WIPI2: variants seen among roughly 807,000 people sequenced by gnomAD.
WIPI2 encodes the protein WD repeat domain phosphoinositide-interacting protein 2.
In WIPI2, 28 loss-of-function variants were observed where a neutral mutation model predicts 52.3. That is an observed-to-expected ratio of 0.54 (90% CI 0.40 to 0.73). The LOEUF is 0.73. Among genes scored for constraint, WIPI2 ranks in the 30% least tolerant of loss-of-function variants. WIPI2 has a pLI of 0.00. For missense variants in WIPI2, 506 were observed against 602.9 expected (o/e 0.84, Z 1.68); for synonymous variants, 268 against 245.0 (o/e 1.09, Z -0.88).
chr7:5,227,484 A>G lies in WIPI2; in HGVS notation c.1013+140A>G. 1 of 1,224,798 alleles carries G rather than the reference A, an allele frequency of 8.2e-7. No individual in the cohort carries two copies. Among genetic ancestry groups the G allele is most frequent in the Non-Finnish European group, 1.1e-6 (1 of 901,800 alleles). 75.9% of individuals were successfully genotyped at this position (1,224,798 alleles called of 1,614,324 possible). On this transcript the variant is annotated intron_variant, in intron 10 of 12. Coordinates refer to ENST00000288828, the MANE Select transcript of WIPI2 (RefSeq NM_015610.4). This position sits in a 1 kb window ranked among gnomAD's most constrained non-coding sequence, Gnocchi z 8.1. ...GACACTCCATCGAGAGTTGTCGGGG[A>G]TGGGAGGTCCCCTGGCAGGCACTAG...
chr7:5,210,260 C>G (rs1782490444), intron 3 of WIPI2, among the ~76,000 whole-genome samples: 1 of 152,188 alleles, frequency 6.6e-6, no homozygotes, highest in Admixed American at 6.5e-5. Context: ...ACTTCTCATT[C>G]TCTTTCATGT....
At chr7:5,219,069 C>G (rs1025723710) in intron 7 of WIPI2, 26 of 152,306 alleles carry the variant, frequency 1.7e-4, no homozygotes, top group African/African-American at 5.3e-4. Context: ...AGTCTCACAC[C>G]CGAGTTCTGT....
chr7:5,224,231 G>A (rs1003310979), intron 8 of WIPI2, among the ~76,000 whole-genome samples: 2 of 152,246 alleles, frequency 1.3e-5, no homozygotes, highest in African/African-American at 2.4e-5. Flanking sequence ...TGCGTGAGCT[G>A]GCAGATCTGG....
intron 3 of WIPI2, among the ~76,000 whole-genome samples, chr7:5,213,959 A>G (rs1390935230): frequency 1.3e-5 from 2 of 152,220 alleles, no homozygotes; most frequent in Non-Finnish European, 2.9e-5. Context: ...TGCTGGGATT[A>G]CAGGCGTGAG....
chr7:5,193,348 T>C, intron 2 of WIPI2, 177 bp downstream of exon 2: 1 of 1,415,702 alleles, frequency 7.1e-7, no homozygotes, highest in South Asian at 1.7e-5. Flanking sequence ...TGTGGGAAGT[T>C]AGTGATGTAG....
At chr7:5,200,172 G>A (rs1781954467) in intron 3 of WIPI2, among the ~76,000 whole-genome samples, 1 of 152,080 alleles carries the variant, frequency 6.6e-6, no homozygotes, top group Admixed American at 6.5e-5. Flanking sequence ...TTCATCTCTG[G>A]GCCTCAGTTT....
intron 3 of WIPI2, among the ~76,000 whole-genome samples, chr7:5,207,821 A>G (rs893905810): frequency 7.3e-6 from 1 of 136,278 alleles, no homozygotes; most frequent in African/African-American, 2.8e-5. Context: ...GCTGGAGTGC[A>G]GTGGCACAAT....
chr7:5,200,789 C>A (rs901046970), intron 3 of WIPI2, among the ~76,000 whole-genome samples: 2 of 152,186 alleles, frequency 1.3e-5, no homozygotes, highest in Non-Finnish European at 2.9e-5. Flanking sequence ...CCCCTCACCT[C>A]CATCGGGGAT....
intron 1 of WIPI2, among the ~76,000 whole-genome samples, chr7:5,192,619 C>G (rs895660407): frequency 6.6e-6 from 1 of 152,174 alleles, no homozygotes; most frequent in Non-Finnish European, 1.5e-5. Flanking sequence ...ATAACTTTGA[C>G]TTGCCAGAGA....
intron 3 of WIPI2, among the ~76,000 whole-genome samples, chr7:5,209,985 G>C (rs947775001): frequency 6.6e-6 from 1 of 152,066 alleles, no homozygotes; most frequent in African/African-American, 2.4e-5. Flanking sequence ...TCGGCTGGCT[G>C]CAACCTCCGT....
intron 6 of WIPI2, 91 bp downstream of exon 6, chr7:5,217,278 T>C: frequency 2.3e-6 from 3 of 1,317,560 alleles, no homozygotes; most frequent in East Asian, 2.4e-5. Flanking sequence ...CTGACTTGGC[T>C]CAGCAATACA....
At chr7:5,212,327 C>A (rs1313632337) in intron 3 of WIPI2, among the ~76,000 whole-genome samples, 1 of 152,110 alleles carries the variant, frequency 6.6e-6, no homozygotes, top group Non-Finnish European at 1.5e-5. Context: ...GCAACAGGTA[C>A]AGGATGCAAC....
chr7:5,225,384 G>A (rs1010414347), intron 8 of WIPI2, among the ~76,000 whole-genome samples: 29 of 151,986 alleles, frequency 1.9e-4, no homozygotes, highest in African/African-American at 5.1e-4. Context: ...CTCATGATCC[G>A]CCCACCTTGG....
At chr7:5,197,067 G>A (rs6954461) in intron 2 of WIPI2, among the ~76,000 whole-genome samples, 54,601 of 125,160 alleles carry the variant, frequency 0.44, 13,069 homozygotes, top group Middle Eastern at 0.5. Flanking sequence ...AGCCAGGATC[G>A]CGCTGCTGCA....
Position 5,225,815 on chromosome 7 carries a change from C to CT in WIPI2, c.741-7dup. On this transcript the variant is annotated splice_polypyrimidine_tract_variant and splice_region_variant and intron_variant, in intron 8 of 12. Coordinates refer to ENST00000288828, the MANE Select transcript of WIPI2 (RefSeq NM_015610.4). ...CGGTGGCCCGCCCCAACCTGTGCGT[C>CT]TCCCCAGGTGCGTGAGCATCTGCTC... 6.2e-7 allele frequency: 1 copy of CT among 1,604,608 alleles called. No homozygotes were observed. The highest frequency in any genetic ancestry group is 1.1e-5 in the South Asian group (1 of 89,812).
At chr7:5,217,569 C>G in intron 6 of WIPI2, 1 of 405,160 alleles carries the variant, frequency 2.5e-6, no homozygotes, top group Non-Finnish European at 4.6e-6. Context: ...AGTGCTGGGA[C>G]TACAGGCGGG....
chr7:5,209,794 A>G (rs966382426), intron 3 of WIPI2, among the ~76,000 whole-genome samples: 5 of 150,010 alleles, frequency 3.3e-5, no homozygotes, highest in Non-Finnish European at 4.4e-5. Context: ...CCATAAATCC[A>G]TCTCAGTATA....
Position 5,228,029 on chromosome 7 carries a change from A to G in WIPI2, c.1014-75A>G, listed in dbSNP as rs996890719. On this transcript the variant is annotated intron_variant, in intron 10 of 12. Transcript: ENST00000288828. ...CTGGGGTCTCTTTCCTCGCCTGCCA[A>G]AAGTGAGGCCGCCATGTAGTAAGAC... The G allele has an allele frequency of 4.8e-6, 7 of 1,466,536 alleles. No individual in the cohort carries two copies. In the African/African-American group the frequency reaches 7.0e-5, roughly 15 times the overall value. 90.8% of individuals were successfully genotyped at this position (1,466,536 alleles called of 1,614,324 possible).
chr7:5,214,851 G>A (rs1782732744), intron 4 of WIPI2, 147 bp downstream of exon 4: 1 of 908,202 alleles, frequency 1.1e-6, no homozygotes, highest in Non-Finnish European at 1.7e-6. Flanking sequence ...ACAGAGACCA[G>A]CTCTGTTTCC....
Sources: allele counts gnomAD v4.1 joint callset (sites outside exome capture counted in the v4.1 genomes callset), GRCh38; gene constraint gnomAD v4.1.1; non-coding constraint Gnocchi (gnomAD v3.1); transcripts MANE v1.5; gene names NCBI Gene and HGNC (gene_info 2026-07-23, HGNC 2026-07-21).